Variants in SHB observed in about 807,000 individuals in gnomAD.
SHB encodes the protein SH2 domain containing adaptor protein B.
SHB carries 20 observed loss-of-function variants against 52.3 expected under a neutral mutation model. The observed-to-expected ratio is 0.38, with a 90% CI of 0.27 to 0.56. The LOEUF is 0.56. Ranked by LOEUF, SHB falls within the 20% of genes least tolerant of loss-of-function variation. The pLI, the probability that SHB is intolerant of heterozygous loss-of-function variation, is 0.71. For synonymous variants in SHB, 397 were observed against 316.5 expected (o/e 1.25, Z -2.70); for missense variants, 825 against 723.3 (o/e 1.14, Z -1.61).
rs1820894958 is a variant in SHB at position 37,992,500 on chromosome 9, ACCTG to A, written c.839-17667_839-17664del. ...TTCTTTGGGGCTAGGTAAGTGTGTC[ACCTG>A]CTCAAGTACCACTAGGCTAAAGAGG... On this transcript the variant is annotated intron_variant, in intron 2 of 5. Coordinates refer to ENST00000377707, the MANE Select transcript of SHB (RefSeq NM_003028.3). Among the ~76,000 whole-genome samples the A allele has an allele frequency of 1.3e-5, 2 of 152,196 alleles. 1 individual carries two copies. Among genetic ancestry groups the A allele is most frequent in the South Asian group, 4.1e-4 (2 of 4,824 alleles).
intron 5 of SHB, among the ~76,000 whole-genome samples, chr9:37,938,091 C>G (rs553671734): frequency 4.3e-4 from 66 of 152,274 alleles, no homozygotes; most frequent in African/African-American, 1.6e-3. Flanking sequence ...TATCGCTTAC[C>G]CAGCTATCAG....
intron 1 of SHB, among the ~76,000 whole-genome samples, chr9:38,040,444 A>G (rs1215027802): frequency 1.3e-5 from 2 of 152,212 alleles, no homozygotes; most frequent in African/African-American, 4.8e-5. Context: ...GTCGGCACCC[A>G]TGCAGTGCAG....
At chr9:37,964,760 C>G (rs1223708129) in intron 3 of SHB, among the ~76,000 whole-genome samples, 3 of 152,166 alleles carry the variant, frequency 2.0e-5, no homozygotes, top group African/African-American at 7.2e-5. Context: ...CATCTATGAG[C>G]ACTCACTGTG....
At position 37,917,731 on chromosome 9, in the gene SHB, T is replaced by C. The variant is rs940241526; in HGVS notation, c.*2090A>G. Among the ~76,000 whole-genome samples the C allele has an allele frequency of 7.9e-5, 12 of 152,158 alleles. No individual in the cohort carries two copies. Among genetic ancestry groups the C allele is most frequent in the African/African-American group, 2.9e-4 (12 of 41,434 alleles). On this transcript the variant is annotated 3_prime_UTR_variant, in exon 6 of 6. Transcript: ENST00000377707. ...GAATCGTTCCAGGGTGTCCCTGCCT[T>C]CCTCCCTCATTGAGGGATGTTTTAG...
chr9:38,010,598 A>G (rs1003847874), intron 2 of SHB, among the ~76,000 whole-genome samples: 7 of 151,740 alleles, frequency 4.6e-5, no homozygotes, highest in African/African-American at 1.7e-4. Context: ...ACCTCCCACA[A>G]CCCACTCTAC....
At chr9:37,952,687 A>G (rs991826648) in intron 4 of SHB, among the ~76,000 whole-genome samples, 2 of 152,192 alleles carry the variant, frequency 1.3e-5, no homozygotes, top group Non-Finnish European at 2.9e-5. Context: ...CACTGGCAGA[A>G]TTTGGTAAAG....
At chr9:38,025,600 TG>T (rs1821331765) in intron 1 of SHB, among the ~76,000 whole-genome samples, 1 of 152,216 alleles carries the variant, frequency 6.6e-6, no homozygotes, top group Non-Finnish European at 1.5e-5. Context: ...AGGTGCCGGA[TG>T]GTTCCACAAA....
intron 5 of SHB, among the ~76,000 whole-genome samples, chr9:37,937,566 G>GA (rs1289844794): frequency 1.3e-5 from 2 of 152,174 alleles, no homozygotes; most frequent in African/African-American, 2.4e-5. Context: ...AAGAGCAGGT[G>GA]AAAGACATAG....
rs1421213997 is a variant in SHB at position 37,974,038 on chromosome 9, T to C, written c.1054+584A>G. Among the ~76,000 whole-genome samples the C allele has an allele frequency of 2.0e-5, 3 of 152,190 alleles. No homozygotes were observed. The East Asian group carries it at 5.8e-4, about 29-fold the overall frequency. ...GGGAGGCCGAGGTGGGCGGATCACCTGAGGTCAGGAGTTTGACAGCAGCCT... is the reference window on the plus strand; with the variant it reads ...GGGAGGCCGAGGTGGGCGGATCACCCGAGGTCAGGAGTTTGACAGCAGCCT... On this transcript the variant is annotated intron_variant, in intron 3 of 5. Transcript: ENST00000377707.
chr9:38,027,222 G>A (rs1440815150), intron 1 of SHB, among the ~76,000 whole-genome samples: 1 of 152,230 alleles, frequency 6.6e-6, no homozygotes, highest in Non-Finnish European at 1.5e-5. Flanking sequence ...CTCCAGGGTG[G>A]TGGATTCCGG....
chr9:37,932,143 A>G (rs1044143179), intron 5 of SHB, among the ~76,000 whole-genome samples: 1 of 151,808 alleles, frequency 6.6e-6, no homozygotes, highest in African/African-American at 2.4e-5. Context: ...TTAGCCAGGC[A>G]TGGTGGCGGG....
At chr9:37,983,729 C>G (rs1051532093) in intron 2 of SHB, among the ~76,000 whole-genome samples, 2 of 152,262 alleles carry the variant, frequency 1.3e-5, no homozygotes, top group African/African-American at 4.8e-5. Context: ...GGCATGCCAT[C>G]TGATCTCTCT....
intron 1 of SHB, among the ~76,000 whole-genome samples, chr9:38,022,602 G>C (rs546967720): frequency 6.6e-6 from 1 of 152,296 alleles, no homozygotes; most frequent in South Asian, 2.1e-4. Flanking sequence ...GAGGCCTGAA[G>C]TCCCAGTCCT....
chr9:37,939,393 T>C (rs1418397677), intron 5 of SHB, among the ~76,000 whole-genome samples: 1 of 152,248 alleles, frequency 6.6e-6, no homozygotes, highest in Admixed American at 6.5e-5. Context: ...GAGCCTCTGT[T>C]TCCTCTTCTG....
At chr9:38,043,761 T>C (rs1821610471) in intron 1 of SHB, among the ~76,000 whole-genome samples, 1 of 152,120 alleles carries the variant, frequency 6.6e-6, no homozygotes, top group South Asian at 2.1e-4. Context: ...TGGTGGCACA[T>C]GCCTGTAATC....
At chr9:37,956,845 C>A (rs189548869) in intron 3 of SHB, among the ~76,000 whole-genome samples, 1 of 152,210 alleles carries the variant, frequency 6.6e-6, no homozygotes, top group African/African-American at 2.4e-5. Flanking sequence ...ATAATGACAG[C>A]ACCCATCTCA....
chr9:38,026,974 C>T (rs181650681), intron 1 of SHB, among the ~76,000 whole-genome samples: 1 of 152,332 alleles, frequency 6.6e-6, no homozygotes, highest in African/African-American at 2.4e-5. Flanking sequence ...GGGCATTATT[C>T]AGTTCACCTC....
At chr9:37,995,470 TGTCA>T (rs1209284648) in intron 2 of SHB, among the ~76,000 whole-genome samples, 2 of 92,874 alleles carry the variant, frequency 2.2e-5, no homozygotes, top group Non-Finnish European at 5.2e-5. Flanking sequence ...CTCTGGCCAC[TGTCA>T]GTCAGTCTGG....
At chr9:38,046,973 G>A (rs1345838879) in intron 1 of SHB, among the ~76,000 whole-genome samples, 1 of 152,216 alleles carries the variant, frequency 6.6e-6, no homozygotes, top group Non-Finnish European at 1.5e-5. Flanking sequence ...TTTTACAAAT[G>A]CAGACACTGT....
Sources: allele counts gnomAD v4.1 joint callset (sites outside exome capture counted in the v4.1 genomes callset), GRCh38; gene constraint gnomAD v4.1.1; transcripts MANE v1.5; gene names NCBI Gene and HGNC (gene_info 2026-07-23, HGNC 2026-07-21).